Variants in ACVR2A observed in about 807,000 individuals in gnomAD.
ACVR2A encodes the protein activin receptor type-2A.
A neutral mutation model predicts 61.4 loss-of-function variants in ACVR2A; 7 were observed. The ratio of observed to expected loss-of-function variants is 0.11; its 90% CI spans 0.06 to 0.21. ACVR2A has a LOEUF of 0.21. Ranked by LOEUF, ACVR2A falls within the 10% of genes least tolerant of loss-of-function variation. ACVR2A has a pLI of 1.00. For synonymous variants in ACVR2A, 193 were observed against 208.3 expected, an observed-to-expected ratio of 0.93 and a Z score of 0.63; for missense variants, 322 against 621.7, an observed-to-expected ratio of 0.52 and a Z score of 5.13.
chr2:147,875,687 A>T (rs1045915251), intron 1 of ACVR2A, among the ~76,000 whole-genome samples: 1 of 152,042 alleles, frequency 6.6e-6, no homozygotes, highest in South Asian at 2.1e-4. Flanking sequence ...ACATAAAATA[A>T]ATTAGGAATG....
rs371014328 is a variant in ACVR2A, at chr2:147,926,211, C to A, written c.1347+50C>A. On this transcript the variant is annotated intron_variant, in intron 10 of 10. Transcript: ENST00000241416. ...TTTGAAATTCCAATAAAACACTTTT[C>A]AGAGGAATTATTTATCTCTGCACAT... 34 of 1,581,146 alleles carry A rather than the reference C, an allele frequency of 2.2e-5. No individual in the cohort carries two copies. The African/African-American group carries it at 4.2e-4, about 20-fold the overall frequency.
chr2:147,890,366 G>GTGTGTGTA (rs1205401984), intron 1 of ACVR2A, among the ~76,000 whole-genome samples: 2 of 151,746 alleles, frequency 1.3e-5, no homozygotes, highest in Non-Finnish European at 2.9e-5. Context: ...GTGTGTGTGT[G>GTGTGTGTA]TGTATACACA....
intron 1 of ACVR2A, among the ~76,000 whole-genome samples, chr2:147,893,124 G>T (rs548106343): frequency 6.6e-6 from 1 of 152,150 alleles, no homozygotes; most frequent in African/African-American, 2.4e-5. Flanking sequence ...ATTTCTGTCT[G>T]CCTTTTCCAG....
intron 4 of ACVR2A, among the ~76,000 whole-genome samples, chr2:147,909,300 C>G (rs1209664848): frequency 6.6e-6 from 1 of 152,158 alleles, no homozygotes; most frequent in Non-Finnish European, 1.5e-5. Flanking sequence ...ATTAGTCCTT[C>G]TGTCCTGCAC....
Position 147,897,342 on chromosome 2 carries a change from T to C in ACVR2A, c.263+834T>C, listed in dbSNP as rs16828000. 7.0e-3 allele frequency among the ~76,000 whole-genome samples: 1,059 copies of C among 152,248 alleles called. 10 individuals are homozygous for C. The highest frequency in any genetic ancestry group is 0.024 in the African/African-American group (995 of 41,550). ...AGACATTTTAACTTGACATTCAGAA[T>C]TTCATCAGAACTAACAGTCCTCAAA... On this transcript the variant is annotated intron_variant, in intron 2 of 10. Transcript: ENST00000241416.
chr2:147,916,703 A>G (rs1356767798), intron 5 of ACVR2A, among the ~76,000 whole-genome samples: 5 of 151,972 alleles, frequency 3.3e-5, no homozygotes, highest in Non-Finnish European at 7.4e-5. Flanking sequence ...CTAATCTTTT[A>G]TAAGTAGATA....
intron 8 of ACVR2A, 49 bp from the exon 9 acceptor site, chr2:147,922,924 T>C: frequency 1.3e-6 from 2 of 1,576,422 alleles, no homozygotes; most frequent in Non-Finnish European, 1.7e-6. Flanking sequence ...CATATGTTAG[T>C]TCATAAAGTT....
chr2:147,912,092 CT>C (rs1166612033), intron 4 of ACVR2A, among the ~76,000 whole-genome samples: 1 of 151,910 alleles, frequency 6.6e-6, no homozygotes, highest in Non-Finnish European at 1.5e-5. Context: ...AAAATTCACC[CT>C]TCAAATGGAG....
intron 4 of ACVR2A, among the ~76,000 whole-genome samples, chr2:147,907,666 C>G (rs1460674566): frequency 6.6e-6 from 1 of 152,120 alleles, no homozygotes; most frequent in African/African-American, 2.4e-5. Flanking sequence ...GCATTTATAT[C>G]CAAGGATTAT....
intron 1 of ACVR2A, 141 bp downstream of exon 1, chr2:147,845,348 G>GTCC: frequency 1.5e-5 from 4 of 271,696 alleles, no homozygotes; most frequent in Non-Finnish European, 2.3e-5. Context: ...GGCTGCCACC[G>GTCC]CCCCCCCCCC....
rs539343409 is a variant in ACVR2A, at chr2:147,908,409, AC to A, written c.529-6780del. ...GGAACATATCCAGAATCTTCATTTC[AC>A]CTGCCTTGGCCTTTCTTTGCTTTCC... On this transcript the variant is annotated intron_variant, in intron 4 of 10. Transcript: ENST00000241416. Among the ~76,000 whole-genome samples, 7 of 152,290 alleles carry A rather than the reference AC, an allele frequency of 4.6e-5. No homozygotes were observed. The South Asian group carries it at 1.4e-3, about 32-fold the overall frequency.
intron 1 of ACVR2A, among the ~76,000 whole-genome samples, chr2:147,895,614 G>A (rs912914422): frequency 2.0e-5 from 3 of 152,060 alleles, no homozygotes; most frequent in African/African-American, 7.2e-5. Context: ...TGCCGTTGTG[G>A]TTGCCATTTA....
chr2:147,889,792 A>C (rs193240635), intron 1 of ACVR2A, among the ~76,000 whole-genome samples: 3 of 151,996 alleles, frequency 2.0e-5, no homozygotes, highest in East Asian at 3.9e-4. Context: ...AAAACATTTT[A>C]CCAAATTTCA....
chr2:147,867,612 C>T (rs1685896305), intron 1 of ACVR2A, among the ~76,000 whole-genome samples: 1 of 151,982 alleles, frequency 6.6e-6, no homozygotes, highest in African/African-American at 2.4e-5. Flanking sequence ...AACAAAAATG[C>T]ACCAGGGAAA....
At chr2:147,921,548 A>G (rs1387844510) in intron 8 of ACVR2A, among the ~76,000 whole-genome samples, 1 of 152,130 alleles carries the variant, frequency 6.6e-6, no homozygotes, top group Non-Finnish European at 1.5e-5. Flanking sequence ...TTTTGGCAGT[A>G]TTGACTAACT....
rs1687613842 is a variant in ACVR2A, at chr2:147,929,732, A to G, written c.*2458A>G. On this transcript the variant is annotated 3_prime_UTR_variant, in exon 11 of 11. Transcript: ENST00000241416. ...AGAAAGTTTGAGCTAGAGATACTGGAAAAAAAAAAGATCAAAGAATGAGAA... is the reference window on the plus strand; with the variant it reads ...AGAAAGTTTGAGCTAGAGATACTGGGAAAAAAAAAGATCAAAGAATGAGAA... 1.4e-5 allele frequency: 2 copies of G among 147,530 alleles called. No homozygotes were observed. Among genetic ancestry groups the G allele is most frequent in the Non-Finnish European group, 1.5e-5 (1 of 67,016 alleles). The allele number at this position is 147,530 out of a possible 1,614,324, so 9.1% of individuals were successfully genotyped here. A position where few individuals can be genotyped will look rare whatever the true frequency, so the allele number is the denominator to read the frequency against.
At chr2:147,900,233 GCCCTCTGT>G (rs1478082257) in intron 4 of ACVR2A, among the ~76,000 whole-genome samples, 1 of 151,996 alleles carries the variant, frequency 6.6e-6, no homozygotes, top group Admixed American at 6.6e-5. Flanking sequence ...CCCTGTCTTT[GCCCTCTGT>G]CCCCTCCTCC....
At chr2:147,875,685 T>G (rs906519454) in intron 1 of ACVR2A, among the ~76,000 whole-genome samples, 2 of 151,972 alleles carry the variant, frequency 1.3e-5, no homozygotes, top group African/African-American at 4.8e-5. Context: ...CTACATAAAA[T>G]AAATTAGGAA....
rs923870192 is a variant in ACVR2A, at chr2:147,892,500, T to C, written c.56-3801T>C. 2.0e-5 allele frequency among the ~76,000 whole-genome samples: 3 copies of C among 148,994 alleles called. No individual in the cohort carries two copies. In the Admixed American group the frequency reaches 2.0e-4, roughly 10 times the overall value. On this transcript the variant is annotated intron_variant, in intron 1 of 10. Transcript: ENST00000241416. ...TTAAAAATTAAAGACCCCAAAACTT[T>C]TTTAAAATAGTAATATATATCAATA...
Sources: allele counts gnomAD v4.1 joint callset (sites outside exome capture counted in the v4.1 genomes callset), GRCh38; gene constraint gnomAD v4.1.1; transcripts MANE v1.5; gene names NCBI Gene and HGNC (gene_info 2026-07-23, HGNC 2026-07-21).